PKHD1L1: variants seen among roughly 807,000 people sequenced by gnomAD.
PKHD1L1 encodes fibrocystin-L.
A neutral mutation model predicts 462.9 loss-of-function variants in PKHD1L1; 434 were observed. That is an observed-to-expected ratio of 0.94 (90% CI 0.87 to 1.02). The LOEUF is 1.02. PKHD1L1 is among the 50% of genes least tolerant of loss of function. The probability of loss-of-function intolerance (pLI) is 0.00; values close to 1 mark genes in which losing one functional copy is unlikely to be tolerated. For missense variants in PKHD1L1, 5,202 were observed against 5,096.1 expected (o/e 1.02, Z -0.63); for synonymous variants, 1,781 against 1,750.0 (o/e 1.02, Z -0.44).
chr8:109,465,168 A>G lies in PKHD1L1; in HGVS notation c.8336A>G (p.Tyr2779Cys). 1.2e-6 allele frequency: 2 copies of G among 1,613,778 alleles called. No individual in the cohort carries two copies. Among genetic ancestry groups the G allele is most frequent in the Non-Finnish European group, 1.7e-6 (2 of 1,179,770 alleles). The change falls in exon 49 of 78, where the codon TAT becomes TGT. Residue 2779 changes from tyrosine (Y) to cysteine (C), a missense_variant. Physicochemically the swap from Tyr to Cys is radical, Grantham distance 194. This residue lies in a region of PKHD1L1 where 4,497 missense variants were observed against 4,336.8 expected (regional missense o/e 1.04). Coordinates refer to ENST00000378402, the MANE Select transcript of PKHD1L1 (RefSeq NM_177531.6). ...AGTGCAAAGTTTGTTGACGTCCAGT[A>G]TTCTCACACACCGAACAAGGCTGGC... ...GWSAKFVDVQ[Y>C]SHTPNKAGFR...
chr8:109,382,984 T>C (rs1812204005), intron 4 of PKHD1L1, among the ~76,000 whole-genome samples: 2 of 145,566 alleles, frequency 1.4e-5, no homozygotes, highest in Non-Finnish European at 3.0e-5. Context: ...CTGCCCTAAA[T>C]AGAAGTATTA....
rs368085723 is a variant in PKHD1L1 at position 109,454,225 on chromosome 8, T to G, written c.6723T>G (p.Ile2241Met). ...DIELQAENILITDGGVLQIGT... is the reference protein window; with the variant it reads ...DIELQAENILMTDGGVLQIGT... ...AACTCCAGGCAGAAAATATTCTAAT[T>G]ACAGATGGAGGTGTTCTTCAGGTAT... The change falls in exon 44 of 78, where the codon ATT becomes ATG. Residue 2241 changes from isoleucine (I) to methionine (M), a missense_variant. Coordinates refer to ENST00000378402, the MANE Select transcript of PKHD1L1 (RefSeq NM_177531.6). 3.7e-6 allele frequency: 6 copies of G among 1,606,758 alleles called. No individual in the cohort carries two copies. The highest frequency in any genetic ancestry group is 5.1e-6 in the Non-Finnish European group (6 of 1,176,100).
rs923954634 is a variant in PKHD1L1, at chr8:109,534,332, G to A, written c.*4242G>A. Among the ~76,000 whole-genome samples, 3 of 152,134 alleles carry A rather than the reference G, an allele frequency of 2.0e-5. No individual in the cohort carries two copies. The highest frequency in any genetic ancestry group is 2.9e-5 in the Non-Finnish European group (2 of 68,012). ...AAAAAAATTAGCCAGGCATGGTGGCGGGCACCTGTAGTCTCAGCTAGTCGG... is the reference window on the plus strand; with the variant it reads ...AAAAAAATTAGCCAGGCATGGTGGCAGGCACCTGTAGTCTCAGCTAGTCGG... On this transcript the variant is annotated 3_prime_UTR_variant, in exon 78 of 78. Coordinates refer to ENST00000378402, the MANE Select transcript of PKHD1L1 (RefSeq NM_177531.6).
At chr8:109,376,455 G>A (rs1156356360) in intron 2 of PKHD1L1, among the ~76,000 whole-genome samples, 1 of 152,160 alleles carries the variant, frequency 6.6e-6, no homozygotes, top group Admixed American at 6.5e-5. Flanking sequence ...TCCCGGGTGA[G>A]GTGATGCCTC....
At chr8:109,415,862 GGGGTGTGT>G (rs1563752303) in intron 21 of PKHD1L1, among the ~76,000 whole-genome samples, 184 of 83,908 alleles carry the variant, frequency 2.2e-3, no homozygotes, top group South Asian at 0.014. Flanking sequence ...AAAAAAAAAA[GGGGTGTGT>G]GTGTGTGTGT....
At chr8:109,420,875 T>C (rs1210599100) in intron 23 of PKHD1L1, among the ~76,000 whole-genome samples, 185 bp downstream of exon 23, 1 of 152,074 alleles carries the variant, frequency 6.6e-6, no homozygotes, top group African/African-American at 2.4e-5. Context: ...AATATGTCTA[T>C]GGGAAGGAAA....
At position 109,480,105 on chromosome 8, in the gene PKHD1L1, A is replaced by G; in HGVS notation, c.9293A>G (p.Glu3098Gly). 6.3e-7 allele frequency: 1 copy of G among 1,576,716 alleles called. No individual in the cohort carries two copies. Among genetic ancestry groups the G allele is most frequent in the Admixed American group, 1.8e-5 (1 of 54,436 alleles). ...NVGAAESSYR[E>G]VVLNATYISL... is the part of the protein sequence containing the mutation. Reference sequence around the variant, plus strand: ...GGAGCTGCAGAATCTTCTTACAGAGAAGTTGTTTTGAATGCTACCTACATA... The same window carrying G: ...GGAGCTGCAGAATCTTCTTACAGAGGAGTTGTTTTGAATGCTACCTACATA... Residue 3098 changes from glutamate (E) to glycine (G), a missense_variant, in exon 55 of 78, where the codon GAA (glutamate) becomes GGA (glycine). Glu to Gly is a moderately conservative substitution (Grantham distance 98). Coordinates refer to ENST00000378402, the MANE Select transcript of PKHD1L1 (RefSeq NM_177531.6).
intron 15 of PKHD1L1, 111 bp downstream of exon 15, chr8:109,404,824 G>A: frequency 4.1e-6 from 5 of 1,207,918 alleles, no homozygotes; most frequent in Non-Finnish European, 4.5e-6. Flanking sequence ...AAGCAGTCAT[G>A]GACAATTATT....
At chr8:109,456,669 TC>T (rs1350981313) in intron 46 of PKHD1L1, among the ~76,000 whole-genome samples, 2 of 152,186 alleles carry the variant, frequency 1.3e-5, no homozygotes, top group Non-Finnish European at 2.9e-5. Flanking sequence ...ACGGTTTGGC[TC>T]CCATGTAAGA....
chr8:109,365,330 TA>T (rs989499419), intron 2 of PKHD1L1, among the ~76,000 whole-genome samples: 2 of 152,294 alleles, frequency 1.3e-5, no homozygotes, highest in Admixed American at 1.3e-4. Context: ...CAAAATCTAT[TA>T]TTTGGTCTTT....
At chr8:109,439,156 G>A (rs1815626098) in intron 32 of PKHD1L1, 64 bp downstream of exon 32, 18 of 1,433,176 alleles carry the variant, frequency 1.3e-5, no homozygotes, top group Non-Finnish European at 1.7e-5. Flanking sequence ...AATTGGGATA[G>A]GAAAAGAAGT....
rs1339311789 is a variant in PKHD1L1, at chr8:109,400,166, A to G, written c.1103A>G (p.Tyr368Cys). ...ILEYNEKTPG[Y>C]MGASWVDSAS... is the part of the protein sequence containing the mutation. ...GAATACAATGAAAAAACGCCTGGGT[A>G]CATGGGTGCCAGTTGGGTAGATTCA... The change falls in exon 13 of 78, where the codon TAC becomes TGC. Residue 368 changes from tyrosine to cysteine, a missense_variant. Tyr to Cys is a radical substitution (Grantham distance 194). Around this residue, in one of 3 missense-constraint regions of PKHD1L1, gnomAD observed 4,497 missense variants for 4,336.8 expected, o/e 1.04. Transcript: ENST00000378402. The G allele has an allele frequency of 5.6e-6, 9 of 1,613,624 alleles. No individual in the cohort carries two copies. The highest frequency in any genetic ancestry group is 6.8e-6 in the Non-Finnish European group (8 of 1,179,702).
chr8:109,460,567 G>T (rs1007747304), intron 47 of PKHD1L1, among the ~76,000 whole-genome samples: 1 of 152,102 alleles, frequency 6.6e-6, no homozygotes, highest in Non-Finnish European at 1.5e-5. Flanking sequence ...CAAGATGTTT[G>T]ACAGCACACT....
rs567801423 is a variant in PKHD1L1 at position 109,454,180 on chromosome 8, A to G, written c.6678A>G (p.Ile2226Met). The change falls in exon 44 of 78, where the codon ATA becomes ATG. Residue 2226 changes from isoleucine (I) to methionine (M), a missense_variant. Physicochemically the swap from Ile to Met is conservative, Grantham distance 10. Coordinates refer to ENST00000378402, the MANE Select transcript of PKHD1L1 (RefSeq NM_177531.6). The stretch of plus-strand genomic sequence containing the variant: ...TATGATTCATAGGTGGGACTCTAAT[A>G]TTTGATGAAGCTGACATTGAACTCC... ...KMLLIQGGTL[I>M]FDEADIELQA... 1.2e-5 allele frequency: 20 copies of G among 1,606,924 alleles called. No homozygotes were observed. The South Asian group carries it at 2.2e-4, about 18-fold the overall frequency.
chr8:109,429,235 CTT>C (rs1814945885), intron 25 of PKHD1L1, 103 bp from the exon 26 acceptor site: 2 of 1,003,236 alleles, frequency 2.0e-6, no homozygotes, highest in Non-Finnish European at 1.4e-6. Context: ...ATTTTACATT[CTT>C]TGACTTTTAT....
intron 75 of PKHD1L1, 76 bp downstream of exon 75, chr8:109,522,966 A>C (rs2131031805): frequency 7.1e-7 from 1 of 1,408,494 alleles, no homozygotes; most frequent in Middle Eastern, 2.2e-4. Context: ...AGTTTCACTC[A>C]TCCTGGTGTG....
intron 63 of PKHD1L1, 125 bp downstream of exon 63, chr8:109,493,876 C>A: frequency 1.9e-6 from 1 of 521,886 alleles, no homozygotes; most frequent in South Asian, 3.9e-5. Flanking sequence ...TGAAATAACT[C>A]AACAAGATAA....
rs762690830 is a variant in PKHD1L1 at position 109,443,080 on chromosome 8, C to T, written c.4528C>T (p.Leu1510=). ...PAETRHIPLH[L]FVGRSEATYA... The stretch of plus-strand genomic sequence containing the variant: ...TGAAACCAGACACATTCCCTTGCAC[C>T]TGTTTGTGGGTCGCTCTGAAGCCAC... Residue 1510 remains leucine (L), a synonymous_variant, in exon 36 of 78, where the codon CTG becomes TTG. Transcript: ENST00000378402. 10 of 1,613,578 alleles carry T rather than the reference C, an allele frequency of 6.2e-6. No homozygotes were observed. In the East Asian group the frequency reaches 2.2e-4, roughly 36 times the overall value.
chr8:109,456,140 T>C (rs1816809890), intron 45 of PKHD1L1, 122 bp from the exon 46 acceptor site: 1 of 997,132 alleles, frequency 1.0e-6, no homozygotes, highest in Non-Finnish European at 1.4e-6. Flanking sequence ...ATGTGTGAAA[T>C]GCTAAGGTAA....
Sources: allele counts gnomAD v4.1 joint callset (sites outside exome capture counted in the v4.1 genomes callset), GRCh38; gene constraint gnomAD v4.1.1; regional missense constraint gnomAD v4.1.1; transcripts MANE v1.5; gene names NCBI Gene and HGNC (gene_info 2026-07-23, HGNC 2026-07-21).